The following RAP1GAP2 variants were observed in gnomAD, a reference collection of about 807,000 sequenced individuals.
RAP1GAP2 encodes RAP1 GTPase activating protein 2, also known as rap1 GTPase-activating protein 2.
In RAP1GAP2, 27 loss-of-function variants were observed where a neutral mutation model predicts 95.0. The ratio of observed to expected loss-of-function variants is 0.28; its 90% confidence interval spans 0.21 to 0.39. RAP1GAP2 has a LOEUF of 0.39. Among genes scored for constraint, RAP1GAP2 ranks in the 10% least tolerant of loss-of-function variants. The pLI is 1.00. For missense variants in RAP1GAP2, 771 were observed against 970.0 expected (o/e 0.79, Z 2.72); for synonymous variants, 373 against 380.9 (o/e 0.98, Z 0.24).
In RAP1GAP2 at chr17:3,008,440, G is replaced by C. The variant is rs888176179; in HGVS notation, c.1494+295G>C. 1.3e-5 allele frequency among the ~76,000 whole-genome samples: 2 copies of C among 152,232 alleles called. No homozygotes were observed. Among genetic ancestry groups the C allele is most frequent in the African/African-American group, 4.8e-5 (2 of 41,460 alleles). On this transcript the variant is annotated intron_variant, in intron 17 of 24. Transcript: ENST00000254695. The surrounding 1 kb of genome is among the most constrained non-coding windows in gnomAD (Gnocchi z 4.2). ...AGGTAAAGAGGTAGCAGTAGGAGAG[G>C]AGCTGGAGCAAGCCAGGAACATCGG...
chr17:2,915,297 C>G (rs2042536771), intron 3 of RAP1GAP2, among the ~76,000 whole-genome samples: 1 of 151,778 alleles, frequency 6.6e-6, no homozygotes, highest in East Asian at 1.9e-4. Context: ...GTGGTGCGAA[C>G]AGAGCTCACT....
intron 4 of RAP1GAP2, among the ~76,000 whole-genome samples, chr17:2,960,123 C>CAAAAAAAAAAAAAAAA (rs71153316): frequency 3.7e-5 from 3 of 80,986 alleles, no homozygotes; most frequent in Non-Finnish European, 4.7e-5. Context: ...GACTCCATCT[C>CAAAAAAAAAAAAAAAA]AAAAAAAAAA....
intron 3 of RAP1GAP2, among the ~76,000 whole-genome samples, chr17:2,925,402 G>T (rs957674988): frequency 5.3e-5 from 8 of 152,130 alleles, no homozygotes; most frequent in Non-Finnish European, 8.8e-5. Flanking sequence ...TGAAGGAGAA[G>T]CATGTGCCTT....
At chr17:2,774,024 C>T (rs1214262783), upstream of RAP1GAP2, among the ~76,000 whole-genome samples, 1 of 152,150 alleles carries the variant, frequency 6.6e-6, no homozygotes, top group East Asian at 1.9e-4. Context: ...TCCCAAAGTG[C>T]TGGGATTACA....
At chr17:2,962,949 G>C (rs2044405690) in intron 5 of RAP1GAP2, 2 of 560,738 alleles carry the variant, frequency 3.6e-6, no homozygotes, top group Non-Finnish European at 6.2e-6. Context: ...TGGAGGCCTC[G>C]GTGGGACCTC....
upstream of RAP1GAP2, among the ~76,000 whole-genome samples, chr17:2,791,958 C>A (rs778190989): frequency 4.0e-5 from 6 of 151,428 alleles, no homozygotes; most frequent in Non-Finnish European, 7.4e-5. Context: ...CTCCCAGGCT[C>A]AAACGATTCT....
At chr17:2,830,967 TCCCTCCCTTC>T in intron 2 of RAP1GAP2, among the ~76,000 whole-genome samples, 1 of 40,538 alleles carries the variant, frequency 2.5e-5, no homozygotes. Context: ...CCCCTCCCCT[TCCCTCCCTTC>T]CCCTACCCTT....
intron 3 of RAP1GAP2, among the ~76,000 whole-genome samples, chr17:2,915,517 G>A (rs762714775): frequency 8.5e-5 from 13 of 152,218 alleles, no homozygotes; most frequent in South Asian, 4.1e-4. Context: ...TTACAGGCGT[G>A]AGCCAACGCG....
At chr17:2,955,511 G>C (rs758441879) in intron 3 of RAP1GAP2, among the ~76,000 whole-genome samples, 1 of 152,130 alleles carries the variant, frequency 6.6e-6, no homozygotes, top group Non-Finnish European at 1.5e-5. Flanking sequence ...TGTTTTTGTA[G>C]AGACACGTCC....
At chr17:2,948,140 C>T (rs2043775938) in intron 3 of RAP1GAP2, among the ~76,000 whole-genome samples, 1 of 152,182 alleles carries the variant, frequency 6.6e-6, no homozygotes, top group Non-Finnish European at 1.5e-5. Context: ...GTGGTCCTGC[C>T]ACAGCTCTGT....
At chr17:2,844,247 C>T (rs1462099838) in intron 2 of RAP1GAP2, among the ~76,000 whole-genome samples, 2 of 152,030 alleles carry the variant, frequency 1.3e-5, no homozygotes, top group African/African-American at 4.8e-5. Flanking sequence ...GTCTTGATCC[C>T]CTGACCTCGT....
intron 2 of RAP1GAP2, among the ~76,000 whole-genome samples, chr17:2,835,104 A>G (rs1302523144): frequency 6.7e-6 from 1 of 149,576 alleles, no homozygotes; most frequent in African/African-American, 2.5e-5. Flanking sequence ...TTGTATTTTT[A>G]GTAGAGACAG....
intron 3 of RAP1GAP2, among the ~76,000 whole-genome samples, chr17:2,926,761 T>C (rs2042967071): frequency 6.6e-6 from 1 of 151,920 alleles, no homozygotes; most frequent in South Asian, 2.1e-4. Context: ...TCCTAGCACT[T>C]TGAGAGGCCG....
intron 14 of RAP1GAP2, among the ~76,000 whole-genome samples, chr17:2,999,845 A>T (rs1042668910): frequency 2.6e-5 from 4 of 151,766 alleles, no homozygotes; most frequent in African/African-American, 9.7e-5. Flanking sequence ...CCCAATAGCA[A>T]CCCCCTCCTG....
rs1432345156 is a variant in RAP1GAP2, at chr17:2,871,793, G to T, written c.81-33491G>T. On this transcript the variant is annotated intron_variant, in intron 2 of 24. Coordinates refer to ENST00000254695, the MANE Select transcript of RAP1GAP2 (RefSeq NM_015085.5). The surrounding 1 kb of genome is among the most constrained non-coding windows in gnomAD (Gnocchi z 5.0). ...GTCAGATGTGCATCTTTCCACACAC[G>T]TGGAATGACGTAGAATGAGGTCATT... Among the ~76,000 whole-genome samples the T allele has an allele frequency of 6.6e-6, 1 of 152,196 alleles. No individual in the cohort carries two copies. Among genetic ancestry groups the T allele is most frequent in the African/African-American group, 2.4e-5 (1 of 41,454 alleles).
At chr17:3,013,234 G>C (rs192941213) in intron 17 of RAP1GAP2, among the ~76,000 whole-genome samples, 1 of 152,156 alleles carries the variant, frequency 6.6e-6, no homozygotes, top group Admixed American at 6.5e-5. Flanking sequence ...CCTGTAAGCC[G>C]GTCCCCCTAG....
chr17:2,773,787 C>T (rs1238065454), upstream of RAP1GAP2, among the ~76,000 whole-genome samples: 1 of 151,570 alleles, frequency 6.6e-6, no homozygotes, highest in Non-Finnish European at 1.5e-5. Context: ...GAGACAGTTT[C>T]ACTCTTGTCG....
chr17:3,013,138 C>A (rs913125200), intron 17 of RAP1GAP2, among the ~76,000 whole-genome samples: 10 of 152,176 alleles, frequency 6.6e-5, no homozygotes, highest in African/African-American at 2.4e-4. Context: ...TAGTTCATGC[C>A]TTGGTCTGAC....
At chr17:2,802,485 G>A (rs1458076958) in intron 2 of RAP1GAP2, among the ~76,000 whole-genome samples, 2 of 152,098 alleles carry the variant, frequency 1.3e-5, no homozygotes, top group African/African-American at 4.8e-5. Context: ...CAAGGTGGGT[G>A]GATCGCCTGA....
Sources: allele counts gnomAD v4.1 joint callset (sites outside exome capture counted in the v4.1 genomes callset), GRCh38; gene constraint gnomAD v4.1.1; non-coding constraint Gnocchi (gnomAD v3.1); transcripts MANE v1.5; gene names NCBI Gene and HGNC (gene_info 2026-07-23, HGNC 2026-07-21).